GRID1: variants seen among roughly 807,000 people sequenced by gnomAD.
GRID1 encodes the protein glutamate ionotropic receptor delta type subunit 1.
GRID1 carries 28 observed loss-of-function variants against 98.0 expected under a neutral mutation model. The observed-to-expected ratio is 0.29, with a 90% CI of 0.21 to 0.39. GRID1 has a LOEUF of 0.39. Among genes scored for constraint, GRID1 ranks in the 10% least tolerant of loss-of-function variants. GRID1 has a pLI of 1.00. For synonymous variants in GRID1, 553 were observed against 538.5 expected, an observed-to-expected ratio of 1.03 and a Z score of -0.37; for missense variants, 1,111 against 1,340.5, an observed-to-expected ratio of 0.83 and a Z score of 2.67.
At chr10:85,833,331 A>G (rs1158039246) in intron 8 of GRID1, among the ~76,000 whole-genome samples, 1 of 152,162 alleles carries the variant, frequency 6.6e-6, no homozygotes, top group Admixed American at 6.5e-5. Context: ...CCCAGCCTGG[A>G]AAATCCCTGT....
chr10:85,928,553 G>C (rs935530265), intron 4 of GRID1, among the ~76,000 whole-genome samples: 3 of 152,222 alleles, frequency 2.0e-5, no homozygotes, highest in Non-Finnish European at 4.4e-5. Context: ...AAAGTGGCAC[G>C]ACAGGAAGCT....
intron 4 of GRID1, among the ~76,000 whole-genome samples, chr10:86,021,924 G>A (rs188323760): frequency 2.0e-5 from 3 of 152,120 alleles, no homozygotes; most frequent in Admixed American, 1.3e-4. Flanking sequence ...CCTGGGTCCC[G>A]GGCTGTCTAG....
At chr10:86,092,337 G>C (rs901604952) in intron 4 of GRID1, among the ~76,000 whole-genome samples, 1 of 152,128 alleles carries the variant, frequency 6.6e-6, no homozygotes, top group Non-Finnish European at 1.5e-5. Flanking sequence ...AAAATGCTCT[G>C]GGAAGTCTCA....
At chr10:86,163,445 G>T (rs530528152) in intron 3 of GRID1, among the ~76,000 whole-genome samples, 107 of 150,734 alleles carry the variant, frequency 7.1e-4, no homozygotes, top group African/African-American at 2.6e-3. Flanking sequence ...TAAGTTCTAG[G>T]GTCCATGTGC....
chr10:86,237,471 C>A (rs563270609), intron 2 of GRID1, among the ~76,000 whole-genome samples: 1 of 152,104 alleles, frequency 6.6e-6, no homozygotes, highest in Non-Finnish European at 1.5e-5. Context: ...GAGGCCAAGG[C>A]GGGTGGATCA....
At chr10:85,848,603 G>A (rs779147526) in intron 8 of GRID1, among the ~76,000 whole-genome samples, 5 of 152,134 alleles carry the variant, frequency 3.3e-5, no homozygotes, top group Non-Finnish European at 5.9e-5. Context: ...GAAGGGAGAA[G>A]AAACAACAAG....
chr10:86,136,348 G>A (rs1219870692), intron 4 of GRID1, among the ~76,000 whole-genome samples: 4 of 152,194 alleles, frequency 2.6e-5, no homozygotes, highest in Admixed American at 2.0e-4. Context: ...GCCAGAGACA[G>A]TGGAACCATA....
intron 14 of GRID1, 48 bp downstream of exon 14, chr10:85,619,819 C>T: frequency 1.4e-6 from 2 of 1,461,394 alleles, no homozygotes; most frequent in Non-Finnish European, 1.9e-6. Flanking sequence ...CTACCCTTGA[C>T]CACTAGAGTC....
intron 3 of GRID1, among the ~76,000 whole-genome samples, chr10:86,191,664 C>T (rs1455245935): frequency 6.6e-6 from 1 of 152,150 alleles, no homozygotes. Flanking sequence ...CTCCCAGTTC[C>T]CTCAGGGTGG....
rs191009805 is a variant in GRID1 at position 85,999,835 on chromosome 10, G to T, written c.727-83596C>A. ...GAGAACTTCCTCAACTTGATAAAAG[G>T]TATCTATTTCTAAAACCTATGTCTA... is the stretch of plus-strand genomic sequence containing the variant. On this transcript the variant is annotated intron_variant, in intron 4 of 15. Coordinates refer to ENST00000327946, the MANE Select transcript of GRID1 (RefSeq NM_017551.3). Among the ~76,000 whole-genome samples the T allele has an allele frequency of 1.2e-4, 18 of 152,234 alleles. No homozygotes were observed. In the East Asian group the frequency reaches 3.3e-3, roughly 28 times the overall value.
intron 4 of GRID1, among the ~76,000 whole-genome samples, chr10:86,105,265 G>A (rs1844364408): frequency 6.6e-6 from 1 of 152,172 alleles, no homozygotes; most frequent in South Asian, 2.1e-4. Flanking sequence ...AGACAGTGAG[G>A]GTGGGCAAGG....
At chr10:85,756,207 G>A (rs1199150221) in intron 8 of GRID1, among the ~76,000 whole-genome samples, 2 of 152,068 alleles carry the variant, frequency 1.3e-5, no homozygotes, top group African/African-American at 4.8e-5. Context: ...ATCATGCACT[G>A]TGGCCGTAAA....
intron 4 of GRID1, among the ~76,000 whole-genome samples, chr10:86,091,563 A>C (rs1423704583): frequency 3.3e-5 from 5 of 151,556 alleles, no homozygotes; most frequent in Non-Finnish European, 7.4e-5. Context: ...CTGGTAGCAG[A>C]AGACAAAAGA....
intron 8 of GRID1, among the ~76,000 whole-genome samples, chr10:85,789,737 G>A (rs1275485813): frequency 2.6e-5 from 4 of 152,146 alleles, no homozygotes; most frequent in Admixed American, 2.6e-4. Context: ...CAGGAACCCA[G>A]GAGATTTAGG....
chr10:86,013,655 T>A (rs761881186), intron 4 of GRID1, among the ~76,000 whole-genome samples: 7 of 152,212 alleles, frequency 4.6e-5, no homozygotes, highest in Non-Finnish European at 1.0e-4. Context: ...CTTCCTGAGG[T>A]CCATAGCAAC....
chr10:85,648,434 A>T (rs1364964163), intron 12 of GRID1, among the ~76,000 whole-genome samples: 1 of 151,954 alleles, frequency 6.6e-6, no homozygotes, highest in Non-Finnish European at 1.5e-5. Flanking sequence ...CCAGGTTCCA[A>T]CTTGATCACT....
chr10:86,067,389 C>T (rs563732150), intron 4 of GRID1, among the ~76,000 whole-genome samples: 100 of 152,258 alleles, frequency 6.6e-4, no homozygotes, highest in Middle Eastern at 3.4e-3. Context: ...GTGGCTAGTC[C>T]AGGATATTGC....
chr10:86,323,302 C>T (rs1847996047), intron 2 of GRID1, among the ~76,000 whole-genome samples: 1 of 152,162 alleles, frequency 6.6e-6, no homozygotes, highest in Admixed American at 6.5e-5. Flanking sequence ...GGGAGCAGCC[C>T]CGACCTCACA....
At position 85,979,519 on chromosome 10, in the gene GRID1, A is replaced by G. The variant is rs545485666; in HGVS notation, c.727-63280T>C. On this transcript the variant is annotated intron_variant, in intron 4 of 15. Coordinates refer to ENST00000327946, the MANE Select transcript of GRID1 (RefSeq NM_017551.3). Reference sequence around the variant, plus strand: ...TTCCAAGCCCCCCTTCCTGGCTTGTAGATAGCCATTTCTCTCTGTATCTTC... The same window carrying G: ...TTCCAAGCCCCCCTTCCTGGCTTGTGGATAGCCATTTCTCTCTGTATCTTC... Among the ~76,000 whole-genome samples the G allele has an allele frequency of 5.3e-5, 8 of 152,308 alleles. No homozygotes were observed. The South Asian group carries it at 1.7e-3, about 32-fold the overall frequency.
Sources: allele counts gnomAD v4.1 joint callset (sites outside exome capture counted in the v4.1 genomes callset), GRCh38; gene constraint gnomAD v4.1.1; transcripts MANE v1.5; gene names NCBI Gene and HGNC (gene_info 2026-07-23, HGNC 2026-07-21).